Variants in FIP1L1 observed in about 807,000 individuals in gnomAD.
FIP1L1 encodes the protein pre-mRNA 3'-end-processing factor FIP1.
In FIP1L1, 21 loss-of-function variants were observed where a neutral mutation model predicts 84.6. That is an observed-to-expected ratio of 0.25 (90% CI 0.18 to 0.36). The LOEUF (loss-of-function observed/expected upper bound fraction) is 0.36. FIP1L1 is among the 10% of genes least tolerant of loss of function. The probability of loss-of-function intolerance (pLI) is 1.00; values close to 1 mark genes in which losing one functional copy is unlikely to be tolerated. For synonymous variants in FIP1L1, 263 were observed against 242.3 expected (o/e 1.09, Z -0.80); for missense variants, 526 against 751.1 (o/e 0.70, Z 3.50).
intron 10 of FIP1L1, among the ~76,000 whole-genome samples, chr4:53,403,570 G>A (rs559423552): frequency 6.6e-6 from 1 of 152,170 alleles, no homozygotes; most frequent in Non-Finnish European, 1.5e-5. Flanking sequence ...AGCATTTTCT[G>A]TATCCTGCTG....
rs559594241 is a variant in FIP1L1 at position 53,459,765 on chromosome 4, G to A, written c.*316G>A. On this transcript the variant is annotated 3_prime_UTR_variant, in exon 18 of 18. Transcript: ENST00000337488. The stretch of plus-strand genomic sequence containing the variant: ...CAGATTATCTGAGAAAAGGTCAAGG[G>A]TTCCACTTGGGCCACAGTTTTTTTG... The A allele has an allele frequency of 3.0e-6, 1 of 331,566 alleles. No homozygotes were observed. Among genetic ancestry groups the A allele is most frequent in the East Asian group, 5.1e-5 (1 of 19,526 alleles). 20.5% of individuals were successfully genotyped at this position (331,566 alleles called of 1,614,324 possible).
chr4:53,405,297 T>G (rs1648422811), intron 10 of FIP1L1, among the ~76,000 whole-genome samples: 1 of 152,106 alleles, frequency 6.6e-6, no homozygotes, highest in African/African-American at 2.4e-5. Context: ...TTTCTCAGGT[T>G]TGTCAAAGAT....
chr4:53,400,041 T>C (rs1350080950), intron 10 of FIP1L1, among the ~76,000 whole-genome samples: 1 of 152,118 alleles, frequency 6.6e-6, no homozygotes, highest in Admixed American at 6.6e-5. Flanking sequence ...AGAAGTGAAG[T>C]GCGGTATATA....
intron 4 of FIP1L1, among the ~76,000 whole-genome samples, chr4:53,383,018 G>GT (rs1211604812): frequency 2.1e-4 from 31 of 149,560 alleles, no homozygotes; most frequent in African/African-American, 3.7e-4. Context: ...ATGCTTTGGG[G>GT]TTTTTTTTTT....
chr4:53,438,993 C>T (rs1232677247), intron 13 of FIP1L1, among the ~76,000 whole-genome samples: 3 of 152,054 alleles, frequency 2.0e-5, no homozygotes, highest in Admixed American at 2.0e-4. Flanking sequence ...TCTTATAAAT[C>T]TTATCTTACA....
intron 15 of FIP1L1, among the ~76,000 whole-genome samples, chr4:53,446,083 T>A (rs1774067322): frequency 6.6e-6 from 1 of 152,218 alleles, no homozygotes; most frequent in South Asian, 2.1e-4. Context: ...TATCAGGGTA[T>A]CGTACTGTCC....
At chr4:53,412,353 T>G (rs1578551388) in intron 10 of FIP1L1, among the ~76,000 whole-genome samples, 1 of 152,124 alleles carries the variant, frequency 6.6e-6, no homozygotes, top group East Asian at 1.9e-4. Flanking sequence ...AGGCTGTAAA[T>G]TTTGCAAATT....
intron 10 of FIP1L1, among the ~76,000 whole-genome samples, chr4:53,409,328 A>T (rs1275689577): frequency 6.6e-6 from 1 of 152,148 alleles, no homozygotes; most frequent in African/African-American, 2.4e-5. Context: ...TGAACCGCGA[A>T]TGCTGCTGTC....
In FIP1L1 at chr4:53,438,744, C is replaced by G. The variant is rs192255186; in HGVS notation, c.1175-3909C>G. Among the ~76,000 whole-genome samples the G allele has an allele frequency of 2.0e-5, 3 of 152,020 alleles. No individual in the cohort carries two copies. In the East Asian group the frequency reaches 5.8e-4, roughly 29 times the overall value. On this transcript the variant is annotated intron_variant, in intron 13 of 17. Transcript: ENST00000337488. The stretch of plus-strand genomic sequence containing the variant: ...AACTACCTTTGTAATGTACTTAATT[C>G]TTTGGTCATATGTCTTTTATCTCTA...
At chr4:53,448,626 T>A (rs1254583203) in intron 15 of FIP1L1, among the ~76,000 whole-genome samples, 1 of 152,148 alleles carries the variant, frequency 6.6e-6, no homozygotes, top group African/African-American at 2.4e-5. Context: ...TTTCCACATG[T>A]CACACAGTAA....
intron 5 of FIP1L1, among the ~76,000 whole-genome samples, chr4:53,385,648 G>A (rs1410868261): frequency 1.3e-5 from 2 of 152,006 alleles, no homozygotes; most frequent in African/African-American, 2.4e-5. Flanking sequence ...TTTCCCCTTA[G>A]ACATTTGATT....
rs1721833906 is a variant in FIP1L1, at chr4:53,460,676, A to ATGT, written c.*1231_*1233dup. On this transcript the variant is annotated 3_prime_UTR_variant, in exon 18 of 18. Coordinates refer to ENST00000337488, the MANE Select transcript of FIP1L1 (RefSeq NM_030917.4). ...TTATTGAATAGAAAAAATATAAACA[A>ATGT]TGTTGTAGAGTAATGAGAAATCCTC... The ATGT allele has an allele frequency of 9.1e-6, 4 of 437,668 alleles. No individual in the cohort carries two copies. Among genetic ancestry groups the ATGT allele is most frequent in the Admixed American group, 8.8e-5 (2 of 22,616 alleles). 27.1% of individuals were successfully genotyped at this position (437,668 alleles called of 1,614,324 possible).
At chr4:53,454,673 T>C (rs575174361) in intron 16 of FIP1L1, among the ~76,000 whole-genome samples, 1 of 152,220 alleles carries the variant, frequency 6.6e-6, no homozygotes, top group Non-Finnish European at 1.5e-5. Flanking sequence ...TCTAAGTCGA[T>C]TTACCATAAT....
intron 15 of FIP1L1, among the ~76,000 whole-genome samples, chr4:53,447,371 A>G (rs1455477478): frequency 6.6e-6 from 1 of 151,994 alleles, no homozygotes; most frequent in Non-Finnish European, 1.5e-5. Flanking sequence ...TGTTTCATGT[A>G]CCATTCTACT....
chr4:53,439,011 A>G (rs1227377516), intron 13 of FIP1L1, among the ~76,000 whole-genome samples: 3 of 152,180 alleles, frequency 2.0e-5, no homozygotes, highest in Admixed American at 6.5e-5. Context: ...ACAAATCTGT[A>G]TCTTATAAAT....
At chr4:53,437,812 G>A (rs1199440777) in intron 13 of FIP1L1, among the ~76,000 whole-genome samples, 1 of 151,830 alleles carries the variant, frequency 6.6e-6, no homozygotes, top group African/African-American at 2.4e-5. Flanking sequence ...TGCAACCTCC[G>A]CCTCCTGGGT....
chr4:53,409,510 C>T lies in FIP1L1; in HGVS notation c.816-5105C>T, dbSNP rs183748995. 1.2e-4 allele frequency among the ~76,000 whole-genome samples: 19 copies of T among 152,324 alleles called. No individual in the cohort carries two copies. In the East Asian group the frequency reaches 3.7e-3, roughly 29 times the overall value. ...GATCTCCAGCTGCGTGCTGGGAGAA[C>T]CACTGCTCTCTTCAAAGCAGACAGG... On this transcript the variant is annotated intron_variant, in intron 10 of 17. Coordinates refer to ENST00000337488, the MANE Select transcript of FIP1L1 (RefSeq NM_030917.4).
chr4:53,385,989 C>A (rs1740827798), intron 5 of FIP1L1, among the ~76,000 whole-genome samples: 1 of 150,200 alleles, frequency 6.7e-6, no homozygotes, highest in African/African-American at 2.4e-5. Context: ...AAACTGTGTC[C>A]AAGGACTGAA....
Position 53,444,177 on chromosome 4 carries a change from A to G in FIP1L1, c.1285+74A>G, listed in dbSNP as rs567363768. 1.3e-5 allele frequency: 13 copies of G among 1,018,652 alleles called. No individual in the cohort carries two copies. The African/African-American group carries it at 1.7e-4, about 13-fold the overall frequency. The allele number at this position is 1,018,652 out of a possible 1,614,324, so 63.1% of individuals were successfully genotyped here. On this transcript the variant is annotated intron_variant, in intron 15 of 17. Coordinates refer to ENST00000337488, the MANE Select transcript of FIP1L1 (RefSeq NM_030917.4). ...ACTTGAATATTTTTAAAGCAATAAA[A>G]ACGTGTTCATGGTTTAACATCTTAC...
Sources: gnomAD v4.1 joint callset for allele counts (sites outside exome capture counted in the v4.1 genomes callset) on GRCh38, gnomAD v4.1.1 for gene constraint, MANE v1.5 for transcripts, NCBI Gene and HGNC (gene_info 2026-07-23, HGNC 2026-07-21) for gene names.